The following DLEU7 variants were observed in gnomAD, a reference collection of about 807,000 sequenced individuals.
DLEU7 encodes the protein leukemia-associated protein 7.
Under a neutral mutation model 16.0 loss-of-function variants are expected in DLEU7, and 17 were observed. That is an observed-to-expected ratio of 1.06 (90% CI 0.73 to 1.59). The LOEUF (loss-of-function observed/expected upper bound fraction) is 1.59, where lower values mean the gene tolerates loss of function less well. Ranked by LOEUF, DLEU7 falls within the 40% of genes most tolerant of loss-of-function variation. The pLI, the probability that DLEU7 is intolerant of heterozygous loss-of-function variation, is 0.00. For synonymous variants in DLEU7, 113 were observed against 139.8 expected (o/e 0.81, Z 1.35); for missense variants, 308 against 314.9 (o/e 0.98, Z 0.17).
intron 1 of DLEU7, among the ~76,000 whole-genome samples, chr13:50,733,032 A>G (rs1434577448): frequency 1.3e-5 from 2 of 152,208 alleles, no homozygotes; most frequent in Admixed American, 6.5e-5. Flanking sequence ...ACACGCATGT[A>G]TGCGCACTCA....
chr13:50,769,911 T>C (rs1038493910), intron 1 of DLEU7, among the ~76,000 whole-genome samples: 13 of 152,186 alleles, frequency 8.5e-5, no homozygotes, highest in South Asian at 2.1e-4. Flanking sequence ...ATTCTTCCTA[T>C]CCATGAGCAT....
At chr13:50,719,194 A>C (rs185753999) in intron 1 of DLEU7, among the ~76,000 whole-genome samples, 364 of 152,330 alleles carry the variant, frequency 2.4e-3, no homozygotes, top group African/African-American at 8.2e-3. Flanking sequence ...GCTGGGTTAT[A>C]ATCCATTACC....
intron 1 of DLEU7, among the ~76,000 whole-genome samples, chr13:50,811,289 C>G: frequency 6.6e-6 from 1 of 151,982 alleles, no homozygotes; most frequent in East Asian, 1.9e-4. Flanking sequence ...GAGGGAAGGC[C>G]TTTAGAAAGA....
chr13:50,814,647 T>C (rs1321612124), intron 1 of DLEU7, among the ~76,000 whole-genome samples: 1 of 145,118 alleles, frequency 6.9e-6, no homozygotes, highest in Non-Finnish European at 1.5e-5. Context: ...ATTGTGGTGG[T>C]AGTTATACAA....
chr13:50,837,520 G>T (rs971307131), intron 1 of DLEU7, among the ~76,000 whole-genome samples: 1 of 152,124 alleles, frequency 6.6e-6, no homozygotes, highest in African/African-American at 2.4e-5. Context: ...GAGAATAACC[G>T]AAATTCTGTG....
At chr13:50,744,720 A>T (rs1874345451) in intron 1 of DLEU7, among the ~76,000 whole-genome samples, 2 of 152,238 alleles carry the variant, frequency 1.3e-5, no homozygotes. Context: ...ACGATTCAGC[A>T]ACAGCAACAA....
In DLEU7 at chr13:50,725,894, T is replaced by C. The variant is rs141566372; in HGVS notation, c.460-12654A>G. Among the ~76,000 whole-genome samples, 362 of 152,180 alleles carry C rather than the reference T, an allele frequency of 2.4e-3. 1 individual carries two copies. Among genetic ancestry groups the C allele is most frequent in the African/African-American group, 8.4e-3 (349 of 41,526 alleles). On this transcript the variant is annotated intron_variant, in intron 1 of 1. Transcript: ENST00000400393. ...TATTCTATGACTATTAACAAATAACTCTAATCATGAAGGTCTTGGTCTAGA... is the reference window on the plus strand; with the variant it reads ...TATTCTATGACTATTAACAAATAACCCTAATCATGAAGGTCTTGGTCTAGA...
chr13:50,748,377 T>A (rs1415518983), intron 1 of DLEU7, among the ~76,000 whole-genome samples: 1 of 152,032 alleles, frequency 6.6e-6, no homozygotes, highest in African/African-American at 2.4e-5. Context: ...GGGTCATTGG[T>A]AAATTATACT....
At chr13:50,812,038 C>T (rs1231846044) in intron 1 of DLEU7, among the ~76,000 whole-genome samples, 1 of 145,504 alleles carries the variant, frequency 6.9e-6, no homozygotes, top group African/African-American at 2.5e-5. Flanking sequence ...CCATTGCACT[C>T]CAGCCTGGGT....
At chr13:50,718,279 A>G (rs1873494211) in intron 1 of DLEU7, among the ~76,000 whole-genome samples, 2 of 152,238 alleles carry the variant, frequency 1.3e-5, no homozygotes, top group African/African-American at 4.8e-5. Context: ...AGCCCAAAAC[A>G]TAACATGGAA....
intron 1 of DLEU7, among the ~76,000 whole-genome samples, chr13:50,738,609 T>C (rs942888523): frequency 6.6e-6 from 1 of 152,038 alleles, no homozygotes; most frequent in Non-Finnish European, 1.5e-5. Context: ...GCCAACAAAC[T>C]CTTTCCACAT....
chr13:50,743,858 A>G (rs958362936), intron 1 of DLEU7, among the ~76,000 whole-genome samples: 3 of 152,196 alleles, frequency 2.0e-5, no homozygotes, highest in East Asian at 1.9e-4. Flanking sequence ...CTCACTTCTA[A>G]GGATAGAAAG....
chr13:50,832,768 A>G (rs1012849521), intron 1 of DLEU7, among the ~76,000 whole-genome samples: 1 of 152,218 alleles, frequency 6.6e-6, no homozygotes, highest in Non-Finnish European at 1.5e-5. Context: ...CCAGTTGTTC[A>G]GTTTCCATGT....
intron 1 of DLEU7, among the ~76,000 whole-genome samples, chr13:50,757,557 G>A (rs1874798231): frequency 6.6e-6 from 1 of 152,138 alleles, no homozygotes; most frequent in South Asian, 2.1e-4. Context: ...GTAAACTCGA[G>A]CGCTCACACC....
chr13:50,728,766 T>G (rs570418413), intron 1 of DLEU7, among the ~76,000 whole-genome samples: 3 of 152,306 alleles, frequency 2.0e-5, no homozygotes, highest in East Asian at 3.9e-4. Context: ...ATGTGTCCAT[T>G]GACTTTTTTT....
At chr13:50,838,573 G>A (rs1877545920) in intron 1 of DLEU7, among the ~76,000 whole-genome samples, 1 of 152,172 alleles carries the variant, frequency 6.6e-6, no homozygotes, top group Non-Finnish European at 1.5e-5. Context: ...ATGCATTCCT[G>A]CTAGTATTAC....
intron 1 of DLEU7, among the ~76,000 whole-genome samples, chr13:50,800,719 A>G (rs569065392): frequency 6.6e-6 from 1 of 152,280 alleles, no homozygotes; most frequent in South Asian, 2.1e-4. Flanking sequence ...GCTTTGGACA[A>G]ATACTCTGCT....
chr13:50,795,224 A>G (rs1368737958), intron 1 of DLEU7, among the ~76,000 whole-genome samples: 1 of 152,194 alleles, frequency 6.6e-6, no homozygotes, highest in Middle Eastern at 3.2e-3. Context: ...GTCAGGGGTC[A>G]TATATTTTTT....
intron 1 of DLEU7, among the ~76,000 whole-genome samples, chr13:50,735,607 A>G (rs1874045197): frequency 2.0e-5 from 3 of 152,222 alleles, no homozygotes; most frequent in Middle Eastern, 3.4e-3. Flanking sequence ...ATTATAAACT[A>G]TGCATCTAAC....
Sources: allele counts gnomAD v4.1 joint callset (sites outside exome capture counted in the v4.1 genomes callset), GRCh38; gene constraint gnomAD v4.1.1; transcripts MANE v1.5; gene names NCBI Gene and HGNC (gene_info 2026-07-23, HGNC 2026-07-21).